The following ERC1 variants were observed in gnomAD, a reference collection of about 807,000 sequenced individuals.
The protein encoded by ERC1 is RAB6 interacting protein 2.
Under a neutral mutation model 132.0 loss-of-function variants are expected in ERC1, and 56 were observed. The observed-to-expected ratio is 0.42, with a 90% CI of 0.34 to 0.53. ERC1 has a LOEUF of 0.53. Among genes scored for constraint, ERC1 ranks in the 20% least tolerant of loss-of-function variants. ERC1 has a pLI of 0.03. For synonymous variants in ERC1, 478 were observed against 476.1 expected (o/e 1.00, Z -0.05); for missense variants, 1,202 against 1,349.9 (o/e 0.89, Z 1.72).
At chr12:1,400,091 C>T (rs1486623450) in intron 16 of ERC1, among the ~76,000 whole-genome samples, 1 of 152,178 alleles carries the variant, frequency 6.6e-6, no homozygotes, top group Non-Finnish European at 1.5e-5. Context: ...TGTGGTATCT[C>T]ATTATGGGGT....
chr12:1,291,431 A>G (rs2079445128), intron 15 of ERC1, among the ~76,000 whole-genome samples: 1 of 152,228 alleles, frequency 6.6e-6, no homozygotes, highest in African/African-American at 2.4e-5. Context: ...TAGTCACTGC[A>G]GGACCCACCA....
At chr12:1,483,407 C>T (rs1343331582) in intron 18 of ERC1, among the ~76,000 whole-genome samples, 1 of 152,152 alleles carries the variant, frequency 6.6e-6, no homozygotes, top group African/African-American at 2.4e-5. Context: ...TACATAATGT[C>T]ACGTGTCAGA....
chr12:1,229,256 T>C (rs1005599028), intron 12 of ERC1, among the ~76,000 whole-genome samples: 1 of 152,120 alleles, frequency 6.6e-6, no homozygotes, highest in African/African-American at 2.4e-5. Context: ...AATCCCAGCA[T>C]TTTGGGAGGC....
intron 17 of ERC1, among the ~76,000 whole-genome samples, chr12:1,422,216 C>T (rs1017413653): frequency 6.6e-6 from 1 of 152,200 alleles, no homozygotes; most frequent in Non-Finnish European, 1.5e-5. Flanking sequence ...GTTAGCTTGG[C>T]CTATGCCCAG....
intron 13 of ERC1, among the ~76,000 whole-genome samples, chr12:1,239,058 C>A (rs1289326769): frequency 6.6e-6 from 1 of 152,068 alleles, no homozygotes; most frequent in Non-Finnish European, 1.5e-5. Flanking sequence ...AGGATCTGAT[C>A]TCAGTTCTTT....
In ERC1 at chr12:1,248,756, T is replaced by C. The variant is rs149509503; in HGVS notation, c.2487+11852T>C. Reference sequence around the variant, plus strand: ...AGTGTTTGCTCACTGTTTCATACCTTTGTGTGCTGTGCAGTTTTCTATGCT... The same window carrying C: ...AGTGTTTGCTCACTGTTTCATACCTCTGTGTGCTGTGCAGTTTTCTATGCT... On this transcript the variant is annotated intron_variant, in intron 13 of 18. Coordinates refer to ENST00000360905, the MANE Select transcript of ERC1 (RefSeq NM_178040.4). Among the ~76,000 whole-genome samples, 3 of 152,306 alleles carry C rather than the reference T, an allele frequency of 2.0e-5. No individual in the cohort carries two copies. The East Asian group carries it at 5.8e-4, about 29-fold the overall frequency.
chr12:1,440,448 T>C (rs11061760), intron 17 of ERC1, among the ~76,000 whole-genome samples: 37,291 of 144,712 alleles, frequency 0.26, 5,476 homozygotes, highest in African/African-American at 0.38. Flanking sequence ...CCTCGTGATC[T>C]GCCCTCCTTG....
At chr12:1,104,432 C>T (rs1441600184) in intron 3 of ERC1, among the ~76,000 whole-genome samples, 1 of 152,088 alleles carries the variant, frequency 6.6e-6, no homozygotes, top group South Asian at 2.1e-4. Context: ...TTATATTTCC[C>T]GGAGTTATGT....
rs74924051 is a variant in ERC1, at chr12:1,049,248, C to T, written c.669+20676C>T. ...TCAGAAGTCACTGTTCTGTCAGAGTCTGCTGTACTTGCCTGAGTGAATAGT... is the reference window on the plus strand; with the variant it reads ...TCAGAAGTCACTGTTCTGTCAGAGTTTGCTGTACTTGCCTGAGTGAATAGT... On this transcript the variant is annotated intron_variant, in intron 2 of 18. Coordinates refer to ENST00000360905, the MANE Select transcript of ERC1 (RefSeq NM_178040.4). Among the ~76,000 whole-genome samples, 57 of 152,348 alleles carry T rather than the reference C, an allele frequency of 3.7e-4. 1 individual carries two copies. The East Asian group carries it at 8.3e-3, about 22-fold the overall frequency.
Position 1,189,860 on chromosome 12 carries a change from C to T in ERC1, c.2159C>T (p.Ala720Val). The stretch of plus-strand genomic sequence containing the variant: ...GGATTGAAATGCTTTTCTTTGTAGG[C>T]ACATGAGGCAGCATTGGAAGCCAGA... Reference protein sequence around the residue: ...CLKMESQLKKAHEAALEARAS... With the variant: ...CLKMESQLKKVHEAALEARAS... Residue 720 changes from alanine to valine, a missense_variant and splice_region_variant, in exon 12 of 19, where the codon GCA becomes GTA. Transcript: ENST00000360905. 1.3e-6 allele frequency: 2 copies of T among 1,595,430 alleles called. No individual in the cohort carries two copies. Among genetic ancestry groups the T allele is most frequent in the Non-Finnish European group, 1.7e-6 (2 of 1,169,580 alleles).
At chr12:1,358,458 T>C (rs910637564) in intron 15 of ERC1, among the ~76,000 whole-genome samples, 2 of 152,168 alleles carry the variant, frequency 1.3e-5, no homozygotes, top group Non-Finnish European at 2.9e-5. Context: ...AAAAATCCAG[T>C]CTTGGCAAGG....
At chr12:1,022,941 G>T (rs964928469) in intron 1 of ERC1, among the ~76,000 whole-genome samples, 1 of 152,104 alleles carries the variant, frequency 6.6e-6, no homozygotes, top group Admixed American at 6.6e-5. Context: ...TTTGTAAGGG[G>T]CTCTTCCCCC....
At chr12:1,011,122 G>C (rs1226709124) in intron 1 of ERC1, among the ~76,000 whole-genome samples, 2 of 152,178 alleles carry the variant, frequency 1.3e-5, no homozygotes, top group African/African-American at 4.8e-5. Flanking sequence ...TTTGAGACTA[G>C]GTACAAAAGG....
chr12:1,270,599 A>G (rs1323691838), intron 14 of ERC1, among the ~76,000 whole-genome samples: 1 of 151,936 alleles, frequency 6.6e-6, no homozygotes, highest in Non-Finnish European at 1.5e-5. Flanking sequence ...TTAAGATAAT[A>G]TGTTTAATAA....
intron 1 of ERC1, among the ~76,000 whole-genome samples, chr12:1,011,130 A>G (rs1964616029): frequency 6.6e-6 from 1 of 152,214 alleles, no homozygotes; most frequent in Non-Finnish European, 1.5e-5. Context: ...TAGGTACAAA[A>G]GGATGAAGTG....
At chr12:1,332,001 C>G (rs1385183498) in intron 15 of ERC1, among the ~76,000 whole-genome samples, 2 of 152,208 alleles carry the variant, frequency 1.3e-5, no homozygotes, top group South Asian at 4.1e-4. Flanking sequence ...TTTTTTCTTC[C>G]TTTGTTTAAG....
intron 6 of ERC1, among the ~76,000 whole-genome samples, chr12:1,114,657 G>T (rs577948905): frequency 4.3e-4 from 65 of 151,572 alleles, no homozygotes; most frequent in African/African-American, 1.6e-3. Context: ...GTTACAGTGT[G>T]TGCTAACTCT....
intron 7 of ERC1, among the ~76,000 whole-genome samples, chr12:1,132,435 C>CA (rs1948851854): frequency 6.6e-6 from 1 of 152,168 alleles, no homozygotes; most frequent in African/African-American, 2.4e-5. Flanking sequence ...TTTCCCTTTT[C>CA]AGTCACCTTT....
intron 15 of ERC1, among the ~76,000 whole-genome samples, chr12:1,299,528 C>A (rs1030831391): frequency 6.6e-5 from 10 of 152,066 alleles, no homozygotes; most frequent in African/African-American, 2.2e-4. Flanking sequence ...CCCTTATATA[C>A]CTGTATTAGA....
Sources: allele counts gnomAD v4.1 joint callset (sites outside exome capture counted in the v4.1 genomes callset), GRCh38; gene constraint gnomAD v4.1.1; transcripts MANE v1.5; gene names NCBI Gene and HGNC (gene_info 2026-07-23, HGNC 2026-07-21).